Variants in LRRIQ3 observed in about 807,000 individuals in gnomAD.
The protein encoded by LRRIQ3 is leucine rich repeats and IQ motif containing 3.
In LRRIQ3, 75 loss-of-function variants were observed where a neutral mutation model predicts 59.3. That is an observed-to-expected ratio of 1.26 (90% CI 1.05 to 1.53). The LOEUF is 1.53. LRRIQ3 is among the 40% of genes most tolerant of loss of function. LRRIQ3 has a pLI of 0.00. For synonymous variants in LRRIQ3, 250 were observed against 231.3 expected, an observed-to-expected ratio of 1.08 and a Z score of -0.73; for missense variants, 831 against 710.0, an observed-to-expected ratio of 1.17 and a Z score of -1.94.
intron 6 of LRRIQ3, among the ~76,000 whole-genome samples, chr1:74,046,487 T>C (rs1654207429): frequency 6.6e-6 from 1 of 151,918 alleles, no homozygotes; most frequent in African/African-American, 2.4e-5. Context: ...CCTAAAGCCA[T>C]AAAAACCCTA....
intron 1 of LRRIQ3, among the ~76,000 whole-genome samples, chr1:74,192,271 C>T (rs1650815256): frequency 6.6e-6 from 1 of 151,992 alleles, no homozygotes; most frequent in South Asian, 2.1e-4. Context: ...TCAGGGAGTA[C>T]ATGTGCAGGT....
intron 7 of LRRIQ3, among the ~76,000 whole-genome samples, chr1:74,039,966 G>A (rs536562595): frequency 5.3e-5 from 8 of 152,212 alleles, no homozygotes; most frequent in African/African-American, 1.9e-4. Flanking sequence ...TGGGCTAAAT[G>A]CCCCAATTAA....
At chr1:74,065,270 T>C (rs1347144053) in intron 6 of LRRIQ3, among the ~76,000 whole-genome samples, 1 of 152,148 alleles carries the variant, frequency 6.6e-6, no homozygotes, top group Non-Finnish European at 1.5e-5. Context: ...GACTAATTCT[T>C]AAGTATTTCA....
intron 4 of LRRIQ3, among the ~76,000 whole-genome samples, chr1:74,143,405 T>C (rs1647355001): frequency 6.6e-6 from 1 of 152,046 alleles, no homozygotes. Flanking sequence ...ATTTAAATAG[T>C]ATTGCCTTGA....
chr1:74,066,187 GAAAA>G (rs71772871), intron 6 of LRRIQ3, among the ~76,000 whole-genome samples: 2 of 119,872 alleles, frequency 1.7e-5, no homozygotes, highest in Non-Finnish European at 1.7e-5. Flanking sequence ...ACTCTGTCTC[GAAAA>G]AAAAAAAAAA....
chr1:74,188,116 AG>A (rs1187677609), intron 1 of LRRIQ3, among the ~76,000 whole-genome samples: 1 of 152,210 alleles, frequency 6.6e-6, no homozygotes, highest in Non-Finnish European at 1.5e-5. Flanking sequence ...TGTCCTTTAC[AG>A]GAACATGGAT....
At chr1:74,083,974 C>T (rs1476909792) in intron 5 of LRRIQ3, 1 of 429,000 alleles carries the variant, frequency 2.3e-6, no homozygotes, top group Non-Finnish European at 4.2e-6. Context: ...ATATCATGAA[C>T]ATTTTAATGC....
intron 5 of LRRIQ3, chr1:74,084,195 T>A: frequency 6.5e-7 from 1 of 1,547,384 alleles, no homozygotes; most frequent in Non-Finnish European, 8.7e-7. Context: ...CAGTGAAAAT[T>A]GACCCATAAT....
chr1:74,144,549 TAAAA>T (rs5775227), intron 4 of LRRIQ3: 322 of 139,684 alleles, frequency 2.3e-3, no homozygotes, highest in South Asian at 6.5e-3. Context: ...TAACAGTCTG[TAAAA>T]AAAAAAAAAA....
intron 7 of LRRIQ3, among the ~76,000 whole-genome samples, chr1:74,033,393 T>A (rs1653776896): frequency 6.6e-6 from 1 of 151,874 alleles, no homozygotes; most frequent in Non-Finnish European, 1.5e-5. Flanking sequence ...TAAAAGTGTA[T>A]AAAGGAGGTT....
chr1:74,183,642 C>A lies in LRRIQ3; in HGVS notation c.43G>T (p.Glu15Ter). 6.2e-7 allele frequency: 1 copy of A among 1,609,706 alleles called. No homozygotes were observed. The highest frequency in any genetic ancestry group is 1.3e-5 in the African/African-American group (1 of 74,824). Residue 15 changes from glutamate (E) to a stop codon, truncating the protein, a stop_gained, in exon 2 of 8, where the codon GAA (glutamate) becomes TAA (stop). Coordinates refer to ENST00000354431, the MANE Select transcript of LRRIQ3 (RefSeq NM_001105659.2). LOFTEE classifies it high-confidence loss of function. ...TVTEELTSHE[E>*]WSHYNENIRE... is the part of the protein sequence containing the mutation. ...ATGTTTTCATTATAGTGACTCCATT[C>A]TTCATGACTGGTTAGCTCTTCTGTG... is the stretch of plus-strand genomic sequence containing the variant.
chr1:74,058,257 G>A lies in LRRIQ3; in HGVS notation c.998-16324C>T, dbSNP rs571099145. Among the ~76,000 whole-genome samples, 156 of 152,122 alleles carry A rather than the reference G, an allele frequency of 1.0e-3. 3 individuals are homozygous for A. In the South Asian group the frequency reaches 0.02, roughly 19 times the overall value. On this transcript the variant is annotated intron_variant, in intron 6 of 7. Transcript: ENST00000354431. ...AAAGGAAATGAAATTAGTATTCAGA[G>A]ACATCTGAACTCCCATGTTTGTTGC...
At chr1:74,032,697 T>A (rs1001352020) in intron 7 of LRRIQ3, among the ~76,000 whole-genome samples, 1 of 152,196 alleles carries the variant, frequency 6.6e-6, no homozygotes, top group South Asian at 2.1e-4. Context: ...ATATTCTTAA[T>A]TACATATTTA....
At chr1:74,073,039 A>G (rs181497606) in intron 6 of LRRIQ3, among the ~76,000 whole-genome samples, 59 of 152,246 alleles carry the variant, frequency 3.9e-4, no homozygotes, top group African/African-American at 1.4e-3. Flanking sequence ...TAAAAAGTGT[A>G]AAGTTTAAAA....
chr1:74,026,616 G>T lies in LRRIQ3; in HGVS notation c.*197C>A. 1 of 450,228 alleles carries T rather than the reference G, an allele frequency of 2.2e-6. No homozygotes were observed. The highest frequency in any genetic ancestry group is 3.6e-5 in the South Asian group (1 of 27,528). The allele number at this position is 450,228 out of a possible 1,614,324, so 27.9% of individuals were successfully genotyped here. On this transcript the variant is annotated 3_prime_UTR_variant, in exon 8 of 8. Transcript: ENST00000354431. ...ATCTGATCTAAGAAATTTTTCAGAG[G>T]TGCTAAGTCAACTTTAAGTTAAATT...
chr1:74,074,517 G>C, intron 6 of LRRIQ3, 144 bp downstream of exon 6: 1 of 321,086 alleles, frequency 3.1e-6, no homozygotes, highest in Non-Finnish European at 5.5e-6. Context: ...CCAAGATATG[G>C]ATATTTTATC....
chr1:74,170,577 G>A (rs978437910), intron 3 of LRRIQ3, among the ~76,000 whole-genome samples: 1 of 152,014 alleles, frequency 6.6e-6, no homozygotes, highest in African/African-American at 2.4e-5. Context: ...GATTTGTAAC[G>A]TATTTTGAAA....
At chr1:74,064,077 T>C (rs774326775) in intron 6 of LRRIQ3, among the ~76,000 whole-genome samples, 4 of 151,842 alleles carry the variant, frequency 2.6e-5, no homozygotes, top group African/African-American at 7.2e-5. Flanking sequence ...CTCTTGCAAA[T>C]GTCATTCCCC....
Position 74,171,783 on chromosome 1 carries a change from A to G in LRRIQ3, c.573+10755T>C, listed in dbSNP as rs191866714. ...ACTTTTCTCATTAGAGAGGAATTTGATTACATAATCAACCTCCTTATTTGT... is the reference window on the plus strand; with the variant it reads ...ACTTTTCTCATTAGAGAGGAATTTGGTTACATAATCAACCTCCTTATTTGT... On this transcript the variant is annotated intron_variant, in intron 3 of 7. Transcript: ENST00000354431. Among the ~76,000 whole-genome samples the G allele has an allele frequency of 2.5e-3, 382 of 152,286 alleles. 2 individuals are homozygous for G. The highest frequency in any genetic ancestry group is 8.8e-3 in the African/African-American group (366 of 41,582).
Sources: gnomAD v4.1 joint callset for allele counts (sites outside exome capture counted in the v4.1 genomes callset) on GRCh38, gnomAD v4.1.1 for gene constraint, MANE v1.5 for transcripts, NCBI Gene and HGNC (gene_info 2026-07-23, HGNC 2026-07-21) for gene names.